SDK1: variants seen among roughly 807,000 people sequenced by gnomAD.
SDK1 encodes protein sidekick-1.
Under a neutral mutation model 245.5 loss-of-function variants are expected in SDK1, and 157 were observed. That is an observed-to-expected ratio of 0.64 (90% CI 0.56 to 0.73). The LOEUF is 0.73. SDK1 is among the 30% of genes least tolerant of loss of function. The pLI, the probability that SDK1 is intolerant of heterozygous loss-of-function variation, is 0.00. For missense variants in SDK1, 3,583 were observed against 3,002.3 expected (o/e 1.19, Z -4.52); for synonymous variants, 1,647 against 1,278.5 (o/e 1.29, Z -6.15).
intron 1 of SDK1, among the ~76,000 whole-genome samples, chr7:3,529,745 A>G (rs1446766635): frequency 6.6e-6 from 1 of 152,180 alleles, no homozygotes; most frequent in Non-Finnish European, 1.5e-5. Flanking sequence ...TATCTCCCCC[A>G]AAACATGTAT....
rs945245822 is a variant in SDK1 at position 4,268,287 on chromosome 7, C to G, written c.*2903C>G. The G allele has an allele frequency of 5.7e-5, 58 of 1,024,674 alleles. No homozygotes were observed. Among genetic ancestry groups the G allele is most frequent in the Non-Finnish European group, 6.7e-5 (57 of 853,338 alleles). The allele number at this position is 1,024,674 out of a possible 1,614,324, so 63.5% of individuals were successfully genotyped here. ...GCCACAGGGATGGGTGTGCAGAGCTCCCTCCTCCTGGGGTGCCAGGGCAGA... is the reference window on the plus strand; with the variant it reads ...GCCACAGGGATGGGTGTGCAGAGCTGCCTCCTCCTGGGGTGCCAGGGCAGA... On this transcript the variant is annotated 3_prime_UTR_variant, in exon 45 of 45. Transcript: ENST00000404826.
At chr7:3,322,030 G>C (rs1300291562) in intron 1 of SDK1, among the ~76,000 whole-genome samples, 1 of 144,824 alleles carries the variant, frequency 6.9e-6, no homozygotes, top group East Asian at 2.0e-4. Context: ...TTTTCACTTA[G>C]GTGCCACACA....
chr7:3,715,749 T>G (rs1448319667), intron 4 of SDK1, among the ~76,000 whole-genome samples: 1 of 152,086 alleles, frequency 6.6e-6, no homozygotes, highest in Non-Finnish European at 1.5e-5. Flanking sequence ...AATGGAAAAT[T>G]ACTGAACATA....
At chr7:3,478,517 C>T (rs984259829) in intron 1 of SDK1, among the ~76,000 whole-genome samples, 2 of 151,508 alleles carry the variant, frequency 1.3e-5, no homozygotes, top group Non-Finnish European at 2.9e-5. Context: ...TTAAAAATAA[C>T]TTTATTTTTA....
At chr7:3,399,456 C>A (rs943906827) in intron 1 of SDK1, among the ~76,000 whole-genome samples, 10 of 152,082 alleles carry the variant, frequency 6.6e-5, no homozygotes, top group Non-Finnish European at 1.5e-4. Context: ...GACTCCTTTT[C>A]CTGTGTATGG....
intron 41 of SDK1, among the ~76,000 whole-genome samples, chr7:4,235,336 G>A (rs924543171): frequency 4.6e-5 from 7 of 152,098 alleles, no homozygotes; most frequent in African/African-American, 1.7e-4. Context: ...GCTAATTTTT[G>A]TATTTTTAGT....
Position 3,571,631 on chromosome 7 carries a change from G to A in SDK1, c.299-47449G>A, listed in dbSNP as rs147548186. Among the ~76,000 whole-genome samples the A allele has an allele frequency of 1.6e-4, 25 of 152,018 alleles. 1 individual carries two copies. The highest frequency in any genetic ancestry group is 5.8e-4 in the African/African-American group (24 of 41,440). ...AAAGCAGCCTTTTGTTTTACAGTTTGTTCTAAGGGAATTCAAAGCTCCACA... is the reference window on the plus strand; with the variant it reads ...AAAGCAGCCTTTTGTTTTACAGTTTATTCTAAGGGAATTCAAAGCTCCACA... On this transcript the variant is annotated intron_variant, in intron 1 of 44. Transcript: ENST00000404826.
rs777199429 is a variant in SDK1, at chr7:4,012,549, C to CTTTTTTTTT, written c.2420+349_2420+357dup. Among the ~76,000 whole-genome samples the CTTTTTTTTT allele has an allele frequency of 2.8e-3, 73 of 25,988 alleles. 17 individuals are homozygous for CTTTTTTTTT. Among genetic ancestry groups the CTTTTTTTTT allele is most frequent in the Non-Finnish European group, 4.4e-3 (44 of 10,038 alleles). 17.0% of individuals were successfully genotyped at this position (25,988 alleles called of 152,430 possible). A position where few individuals can be genotyped will look rare whatever the true frequency, so the allele number is the denominator to read the frequency against. On this transcript the variant is annotated intron_variant, in intron 16 of 44. Transcript: ENST00000404826. Reference sequence around the variant, plus strand: ...GCAAGGTATATTGTTCAATGTGAAGCTTTTTTTTTTTTTTTTTTTTTTTTT... The same window carrying CTTTTTTTTT: ...GCAAGGTATATTGTTCAATGTGAAGCTTTTTTTTTTTTTTTTTTTTTTTTTTTTTTTTTT...
At chr7:3,629,009 C>T (rs937489183) in intron 2 of SDK1, among the ~76,000 whole-genome samples, 8 of 151,864 alleles carry the variant, frequency 5.3e-5, no homozygotes, top group Non-Finnish European at 1.0e-4. Flanking sequence ...GAGAGCACTA[C>T]AGGCCAAGCG....
At chr7:3,363,734 A>C (rs1272965223) in intron 1 of SDK1, among the ~76,000 whole-genome samples, 1 of 152,168 alleles carries the variant, frequency 6.6e-6, no homozygotes, top group Non-Finnish European at 1.5e-5. Flanking sequence ...ATGAGAATCT[A>C]ATGCTGCTGC....
At chr7:4,096,836 C>T (rs1372510166) in intron 22 of SDK1, among the ~76,000 whole-genome samples, 1 of 152,078 alleles carries the variant, frequency 6.6e-6, no homozygotes, top group African/African-American at 2.4e-5. Flanking sequence ...GACACTGAAA[C>T]CCCCACGGGG....
rs776382115 is a variant in SDK1 at position 3,538,194 on chromosome 7, A to G, written c.299-80886A>G. ...GGGTGGGGCAGATTTTGTGTTGGCA[A>G]TTACATTGGCCATTTGTTTGTCCCA... On this transcript the variant is annotated intron_variant, in intron 1 of 44. Transcript: ENST00000404826. Among the ~76,000 whole-genome samples the G allele has an allele frequency of 8.8e-4, 134 of 152,110 alleles. 2 individuals are homozygous for G. Among genetic ancestry groups the G allele is most frequent in the Non-Finnish European group, 5.0e-4 (34 of 68,018 alleles).
At chr7:3,876,855 C>G (rs1224537577) in intron 5 of SDK1, among the ~76,000 whole-genome samples, 1 of 152,194 alleles carries the variant, frequency 6.6e-6, no homozygotes. Context: ...CTCTATCAGA[C>G]TTCACACAGG....
At chr7:3,311,905 A>G (rs997112102) in intron 1 of SDK1, among the ~76,000 whole-genome samples, 5 of 152,200 alleles carry the variant, frequency 3.3e-5, no homozygotes, top group East Asian at 1.9e-4. Context: ...ACACGCCCCA[A>G]TGGCTTAGTC....
At chr7:4,095,153 C>T (rs1292632772) in intron 22 of SDK1, among the ~76,000 whole-genome samples, 2 of 151,750 alleles carry the variant, frequency 1.3e-5, no homozygotes, top group African/African-American at 2.4e-5. Flanking sequence ...AGCTCTTCCT[C>T]AGCTCCCCCA....
intron 5 of SDK1, among the ~76,000 whole-genome samples, chr7:3,926,667 C>T (rs1256819410): frequency 6.6e-6 from 1 of 152,134 alleles, no homozygotes; most frequent in Non-Finnish European, 1.5e-5. Flanking sequence ...GTGTGAGCCA[C>T]CGTGAGGTCC....
At chr7:4,049,298 G>T in intron 17 of SDK1, 50 bp from the exon 18 acceptor site, 1 of 1,411,422 alleles carries the variant, frequency 7.1e-7, no homozygotes, top group South Asian at 1.2e-5. Flanking sequence ...TCCACCCCAT[G>T]GTCCCTCCTG....
intron 1 of SDK1, among the ~76,000 whole-genome samples, chr7:3,435,320 CCTTTTTT>C (rs1779988181): frequency 1.0e-5 from 1 of 100,164 alleles, no homozygotes; most frequent in African/African-American, 5.0e-5. Context: ...AAGGGGACTG[CCTTTTTT>C]TTTTTTTTTT....
intron 1 of SDK1, among the ~76,000 whole-genome samples, chr7:3,530,639 T>C (rs1783311530): frequency 6.6e-6 from 1 of 152,196 alleles, no homozygotes; most frequent in Non-Finnish European, 1.5e-5. Context: ...TTCACATAGA[T>C]AGGCATGTGA....
Sources: gnomAD v4.1 joint callset for allele counts (sites outside exome capture counted in the v4.1 genomes callset) on GRCh38, gnomAD v4.1.1 for gene constraint, MANE v1.5 for transcripts, NCBI Gene and HGNC (gene_info 2026-07-23, HGNC 2026-07-21) for gene names.